The following INPP4B variants were observed in gnomAD, a reference collection of about 807,000 sequenced individuals.
INPP4B encodes inositol polyphosphate-4-phosphatase type II B, also known as inositol polyphosphate 4-phosphatase type II.
In INPP4B, 55 loss-of-function variants were observed where a neutral mutation model predicts 122.5. The observed-to-expected ratio is 0.45, with a 90% CI of 0.36 to 0.56. The LOEUF (loss-of-function observed/expected upper bound fraction) is 0.56, where lower values mean the gene tolerates loss of function less well. INPP4B is among the 20% of genes least tolerant of loss of function. The pLI is 0.00. For missense variants in INPP4B, 1,000 were observed against 1,097.7 expected, an observed-to-expected ratio of 0.91 and a Z score of 1.26; for synonymous variants, 403 against 388.7, an observed-to-expected ratio of 1.04 and a Z score of -0.43.
At chr4:142,206,207 A>G (rs532089195) in intron 14 of INPP4B, among the ~76,000 whole-genome samples, 3 of 152,218 alleles carry the variant, frequency 2.0e-5, no homozygotes, top group African/African-American at 7.2e-5. Context: ...ATAAGTGTAG[A>G]GTTCTCTTGA....
chr4:142,071,512 T>C (rs573710673), intron 25 of INPP4B, among the ~76,000 whole-genome samples: 40 of 152,286 alleles, frequency 2.6e-4, no homozygotes, highest in Non-Finnish European at 4.3e-4. Context: ...AAAGAGCTTC[T>C]GCACAGCAAA....
At chr4:142,287,769 A>T (rs1754460602) in intron 9 of INPP4B, 4 of 152,072 alleles carry the variant, frequency 2.6e-5, no homozygotes, top group Non-Finnish European at 1.5e-5. Flanking sequence ...TATTCCACAA[A>T]CTCTATTAGA....
At chr4:142,774,451 T>C (rs1296737986) in intron 1 of INPP4B, among the ~76,000 whole-genome samples, 5 of 151,304 alleles carry the variant, frequency 3.3e-5, no homozygotes, top group Non-Finnish European at 5.9e-5. Context: ...TAAGTTGAAA[T>C]CTGCTCCCAT....
chr4:142,795,789 C>T lies in INPP4B; in HGVS notation c.-254+50420G>A, dbSNP rs1256978082. Among the ~76,000 whole-genome samples, 4 of 152,106 alleles carry T rather than the reference C, an allele frequency of 2.6e-5. No homozygotes were observed. In the East Asian group the frequency reaches 7.7e-4, roughly 29 times the overall value. On this transcript the variant is annotated intron_variant, in intron 1 of 25. Coordinates refer to ENST00000262992, the MANE Select transcript of INPP4B (RefSeq NM_001101669.3). Reference sequence around the variant, plus strand: ...TGTTCACCCAATGCTTTAGTCCTCTCTACAACCAATACAAATAAATCAGAT... The same window carrying T: ...TGTTCACCCAATGCTTTAGTCCTCTTTACAACCAATACAAATAAATCAGAT...
chr4:142,329,791 A>G (rs1773784711), intron 7 of INPP4B, among the ~76,000 whole-genome samples: 1 of 152,238 alleles, frequency 6.6e-6, no homozygotes, highest in African/African-American at 2.4e-5. Flanking sequence ...TGAGGTTAAT[A>G]ATGCTCAACT....
At chr4:142,805,660 T>C (rs1011268719) in intron 1 of INPP4B, among the ~76,000 whole-genome samples, 4 of 152,176 alleles carry the variant, frequency 2.6e-5, no homozygotes, top group African/African-American at 9.7e-5. Context: ...CCACTTCCAC[T>C]TAGTGAGTAA....
chr4:142,466,800 C>T (rs778027525), intron 2 of INPP4B, among the ~76,000 whole-genome samples: 2 of 152,162 alleles, frequency 1.3e-5, no homozygotes, highest in African/African-American at 4.8e-5. Context: ...TTCAGGGCCC[C>T]ATTGCCCTGA....
At chr4:142,078,029 C>T (rs1359113399) in intron 25 of INPP4B, among the ~76,000 whole-genome samples, 2 of 151,522 alleles carry the variant, frequency 1.3e-5, no homozygotes, top group Non-Finnish European at 1.5e-5. Context: ...CTTAATGATA[C>T]AGGCAACCAC....
intron 2 of INPP4B, among the ~76,000 whole-genome samples, chr4:142,679,508 C>A (rs1395088479): frequency 2.0e-5 from 3 of 151,746 alleles, no homozygotes; most frequent in African/African-American, 7.3e-5. Context: ...GATTGTATTA[C>A]TCCTGAATTT....
At chr4:142,063,150 AGAG>A (rs1034517562) in intron 25 of INPP4B, among the ~76,000 whole-genome samples, 1 of 152,170 alleles carries the variant, frequency 6.6e-6, no homozygotes, top group African/African-American at 2.4e-5. Flanking sequence ...CATTTTCCTT[AGAG>A]GAGAAGTCAA....
chr4:142,736,289 A>G (rs1766874191), intron 1 of INPP4B, among the ~76,000 whole-genome samples: 2 of 151,990 alleles, frequency 1.3e-5, no homozygotes, highest in South Asian at 2.1e-4. Flanking sequence ...CAACTAATTT[A>G]TTTCCCTAAT....
chr4:142,105,993 G>C (rs1029908839), intron 23 of INPP4B, among the ~76,000 whole-genome samples: 1 of 152,100 alleles, frequency 6.6e-6, no homozygotes, highest in Non-Finnish European at 1.5e-5. Context: ...TCTACAGGAG[G>C]AATAAACCCA....
intron 2 of INPP4B, among the ~76,000 whole-genome samples, chr4:142,533,469 T>G (rs1036390856): frequency 6.6e-6 from 1 of 151,486 alleles, no homozygotes; most frequent in Non-Finnish European, 1.5e-5. Flanking sequence ...AAATATTTAT[T>G]TTTTTTTTAA....
chr4:142,764,805 C>T (rs1326396411), intron 1 of INPP4B, among the ~76,000 whole-genome samples: 2 of 151,790 alleles, frequency 1.3e-5, no homozygotes, highest in East Asian at 1.9e-4. Flanking sequence ...TCTGGAGATC[C>T]TCAGATACAC....
chr4:142,259,032 T>G (rs1738106426), intron 11 of INPP4B, among the ~76,000 whole-genome samples: 1 of 151,988 alleles, frequency 6.6e-6, no homozygotes, highest in African/African-American at 2.4e-5. Context: ...CCATAAAAAA[T>G]GATGAGTTCA....
intron 22 of INPP4B, 46 bp from the exon 23 acceptor site, chr4:142,108,236 C>A: frequency 3.2e-6 from 3 of 931,646 alleles, no homozygotes; most frequent in South Asian, 1.4e-5. Flanking sequence ...AAAACGGTAC[C>A]AAAAAGTAAC....
intron 1 of INPP4B, among the ~76,000 whole-genome samples, chr4:142,747,910 T>A (rs1769026826): frequency 6.6e-6 from 1 of 151,920 alleles, no homozygotes; most frequent in Non-Finnish European, 1.5e-5. Flanking sequence ...TTAGGAGAAA[T>A]ACCTAATGTA....
intron 9 of INPP4B, among the ~76,000 whole-genome samples, chr4:142,294,580 T>A (rs1290715951): frequency 1.3e-5 from 2 of 151,884 alleles, no homozygotes; most frequent in African/African-American, 4.8e-5. Flanking sequence ...CATCTGCACA[T>A]ACAAAAATGT....
intron 2 of INPP4B, chr4:142,467,833 T>A (rs1374088867): frequency 1.3e-5 from 2 of 152,098 alleles, no homozygotes; most frequent in Non-Finnish European, 2.9e-5. Flanking sequence ...TGGAAGAGGA[T>A]CCGTCATGAA....
Sources: allele counts gnomAD v4.1 joint callset (sites outside exome capture counted in the v4.1 genomes callset), GRCh38; gene constraint gnomAD v4.1.1; transcripts MANE v1.5; gene names NCBI Gene and HGNC (gene_info 2026-07-23, HGNC 2026-07-21).